AP3S1: variants seen among roughly 807,000 people sequenced by gnomAD.
AP3S1 encodes AP-3 complex subunit sigma-1.
In AP3S1, 12 loss-of-function variants were observed where a neutral mutation model predicts 21.3. The ratio of observed to expected loss-of-function variants is 0.56; its 90% CI spans 0.36 to 0.91. AP3S1 has a LOEUF of 0.91. Ranked by LOEUF, AP3S1 falls within the 40% of genes least tolerant of loss-of-function variation. AP3S1 has a pLI of 0.01. For synonymous variants in AP3S1, 48 were observed against 78.4 expected (o/e 0.61, Z 2.05); for missense variants, 116 against 225.0 (o/e 0.52, Z 3.10).
intron 3 of AP3S1, among the ~76,000 whole-genome samples, chr5:115,883,580 G>T (rs922791184): frequency 6.6e-6 from 1 of 152,156 alleles, no homozygotes; most frequent in Admixed American, 6.5e-5. Flanking sequence ...ACCTCGGTTG[G>T]AAATGCAGAA....
At chr5:115,889,714 C>T (rs62371477) in intron 3 of AP3S1, among the ~76,000 whole-genome samples, 1 of 151,652 alleles carries the variant, frequency 6.6e-6, no homozygotes, top group African/African-American at 2.4e-5. Context: ...AAATACAGAC[C>T]CTTGTAATCC....
chr5:115,888,026 T>C (rs1162715651), intron 3 of AP3S1, among the ~76,000 whole-genome samples: 1 of 152,146 alleles, frequency 6.6e-6, no homozygotes, highest in Non-Finnish European at 1.5e-5. Context: ...TGCAGGACAA[T>C]TTAAAATATT....
intron 3 of AP3S1, among the ~76,000 whole-genome samples, chr5:115,876,746 A>T (rs1209225848): frequency 1.3e-5 from 2 of 152,128 alleles, no homozygotes; most frequent in Non-Finnish European, 2.9e-5. Context: ...CCTTTTGATG[A>T]GTACTAGCCA....
intron 1 of AP3S1, chr5:115,852,970 T>C (rs1419976785): frequency 4.4e-6 from 2 of 450,632 alleles, no homozygotes; most frequent in South Asian, 3.2e-5. Flanking sequence ...TATATTCTCA[T>C]TTCTCTAGGG....
At chr5:115,879,246 T>A (rs1249805379) in intron 3 of AP3S1, among the ~76,000 whole-genome samples, 1 of 152,108 alleles carries the variant, frequency 6.6e-6, no homozygotes, top group African/African-American at 2.4e-5. Context: ...TGAATAGGAG[T>A]GGTGAGAGAG....
chr5:115,842,467 C>T (rs561354059), intron 1 of AP3S1: 1 of 188,368 alleles, frequency 5.3e-6, no homozygotes, highest in East Asian at 1.3e-4. Context: ...CAAGAGCCCA[C>T]CCCGCGCGGC....
chr5:115,854,766 C>A (rs796754510), intron 1 of AP3S1, among the ~76,000 whole-genome samples: 6 of 151,734 alleles, frequency 4.0e-5, no homozygotes, highest in African/African-American at 1.5e-4. Context: ...TTTACTTCTG[C>A]CCTTCATGTA....
intron 4 of AP3S1, 45 bp from the exon 5 acceptor site, chr5:115,902,840 T>G: frequency 7.4e-7 from 1 of 1,348,658 alleles, no homozygotes. Context: ...AAACTTCTTT[T>G]TAGTGAATTT....
intron 1 of AP3S1, among the ~76,000 whole-genome samples, chr5:115,861,673 G>A (rs545484911): frequency 1.3e-5 from 2 of 151,808 alleles, no homozygotes; most frequent in Non-Finnish European, 2.9e-5. Flanking sequence ...TCCTACCTCA[G>A]CCTCCCAAGT....
intron 1 of AP3S1, among the ~76,000 whole-genome samples, chr5:115,850,865 C>T (rs1762391334): frequency 6.6e-6 from 1 of 152,012 alleles, no homozygotes; most frequent in African/African-American, 2.4e-5. Flanking sequence ...CTCCCTTTGG[C>T]CATTGTTACA....
intron 4 of AP3S1, among the ~76,000 whole-genome samples, chr5:115,896,400 TTTTCTC>T (rs1750757372): frequency 6.6e-6 from 1 of 152,234 alleles, no homozygotes; most frequent in African/African-American, 2.4e-5. Flanking sequence ...GTTCTACTGT[TTTTCTC>T]TAATTGCTAT....
At chr5:115,886,397 C>T (rs1009269316) in intron 3 of AP3S1, among the ~76,000 whole-genome samples, 1 of 151,854 alleles carries the variant, frequency 6.6e-6, no homozygotes, top group African/African-American at 2.4e-5. Context: ...GCAAAACCAA[C>T]CCCTCATCTT....
At chr5:115,895,979 A>T (rs1013524578) in intron 4 of AP3S1, among the ~76,000 whole-genome samples, 1 of 152,150 alleles carries the variant, frequency 6.6e-6, no homozygotes, top group Non-Finnish European at 1.5e-5. Flanking sequence ...GGAGGAAGAG[A>T]TTCCACTTTC....
intron 5 of AP3S1, among the ~76,000 whole-genome samples, chr5:115,911,408 A>G (rs1279009180): frequency 6.6e-6 from 1 of 151,982 alleles, no homozygotes; most frequent in Non-Finnish European, 1.5e-5. Flanking sequence ...TAAAATATTT[A>G]TACTCAAATA....
intron 3 of AP3S1, among the ~76,000 whole-genome samples, chr5:115,894,695 T>A (rs1216373389): frequency 6.6e-6 from 1 of 152,222 alleles, no homozygotes. Flanking sequence ...AATTACTGGC[T>A]GCATTAGATA....
chr5:115,873,856 A>C (rs1275669716), intron 3 of AP3S1, among the ~76,000 whole-genome samples: 2 of 152,168 alleles, frequency 1.3e-5, no homozygotes, highest in Admixed American at 6.5e-5. Flanking sequence ...TTTAGAGAAC[A>C]GATCAAGAAA....
intron 3 of AP3S1, among the ~76,000 whole-genome samples, chr5:115,890,218 G>A (rs1750170440): frequency 6.6e-6 from 1 of 152,148 alleles, no homozygotes; most frequent in East Asian, 1.9e-4. Flanking sequence ...GTTCTTAACA[G>A]TACTAATTGT....
intron 3 of AP3S1, among the ~76,000 whole-genome samples, chr5:115,881,286 C>T (rs1245140796): frequency 6.6e-6 from 1 of 152,162 alleles, no homozygotes; most frequent in Non-Finnish European, 1.5e-5. Flanking sequence ...GCAGTTTCTT[C>T]ATAGTGTCAA....
intron 1 of AP3S1, among the ~76,000 whole-genome samples, chr5:115,854,593 C>CT (rs1221669601): frequency 3.9e-5 from 6 of 152,084 alleles, no homozygotes; most frequent in Non-Finnish European, 8.8e-5. Context: ...AGAAAACACA[C>CT]TAACTGAATT....
Sources: gnomAD v4.1 joint callset for allele counts (sites outside exome capture counted in the v4.1 genomes callset) on GRCh38, gnomAD v4.1.1 for gene constraint, MANE v1.5 for transcripts, NCBI Gene and HGNC (gene_info 2026-07-23, HGNC 2026-07-21) for gene names.